PALM2AKAP2: variants seen among roughly 807,000 people sequenced by gnomAD.
The protein encoded by PALM2AKAP2 is PALM2-AKAP2 fusion protein.
Under a neutral mutation model 71.5 loss-of-function variants are expected in PALM2AKAP2, and 37 were observed. That is an observed-to-expected ratio of 0.52 (90% CI 0.40 to 0.68). The LOEUF is 0.68. PALM2AKAP2 is among the 30% of genes least tolerant of loss of function. PALM2AKAP2 has a pLI of 0.00. For synonymous variants in PALM2AKAP2, 468 were observed against 478.8 expected (o/e 0.98, Z 0.29); for missense variants, 1,224 against 1,191.8 (o/e 1.03, Z -0.40).
intron 1 of PALM2AKAP2, among the ~76,000 whole-genome samples, chr9:109,683,340 A>G (rs10979998): frequency 0.11 from 17,349 of 152,202 alleles, 1,288 homozygotes; most frequent in Non-Finnish European, 0.16. Context: ...CCAATGTCAG[A>G]TATCCTTATA....
chr9:109,862,777 G>T, intron 1 of PALM2AKAP2: 2 of 451,032 alleles, frequency 4.4e-6, no homozygotes, highest in Non-Finnish European at 8.9e-6. Context: ...AAGCTTCATG[G>T]ATATTTAAAC....
intron 1 of PALM2AKAP2, among the ~76,000 whole-genome samples, chr9:110,127,279 T>G (rs1405518565): frequency 6.6e-6 from 1 of 152,138 alleles, no homozygotes; most frequent in Non-Finnish European, 1.5e-5. Context: ...TCTGCCCCTT[T>G]TAAGGCCCAC....
At chr9:109,873,505 A>G (rs1829653436) in intron 2 of PALM2AKAP2, among the ~76,000 whole-genome samples, 2 of 152,028 alleles carry the variant, frequency 1.3e-5, no homozygotes, top group Admixed American at 1.3e-4. Flanking sequence ...AATTGAATTT[A>G]GCCATATTCC....
chr9:110,072,193 A>C (rs1834221262), intron 1 of PALM2AKAP2, among the ~76,000 whole-genome samples: 1 of 152,130 alleles, frequency 6.6e-6, no homozygotes. Flanking sequence ...AATGAGGGGG[A>C]GGAGAGGGAG....
chr9:109,878,075 T>C (rs1829758391), intron 2 of PALM2AKAP2, among the ~76,000 whole-genome samples: 1 of 152,222 alleles, frequency 6.6e-6, no homozygotes, highest in Non-Finnish European at 1.5e-5. Flanking sequence ...TGGTTCTGAA[T>C]GTTTTGTAGA....
intron 5 of PALM2AKAP2, among the ~76,000 whole-genome samples, chr9:109,927,951 C>T (rs1452372103): frequency 1.3e-5 from 2 of 152,180 alleles, no homozygotes; most frequent in Non-Finnish European, 2.9e-5. Context: ...CTGTCCTGGG[C>T]CTATCTCAGT....
chr9:110,091,271 G>A (rs1450161190), intron 1 of PALM2AKAP2, among the ~76,000 whole-genome samples: 2 of 151,808 alleles, frequency 1.3e-5, no homozygotes, highest in East Asian at 3.9e-4. Context: ...TATTGTCTAC[G>A]GTCAATAAAG....
intron 1 of PALM2AKAP2, among the ~76,000 whole-genome samples, chr9:110,117,972 T>TC (rs1564314548): frequency 7.3e-6 from 1 of 137,054 alleles, no homozygotes; most frequent in Admixed American, 7.3e-5. Flanking sequence ...TATATGTCGT[T>TC]TTGTGTGTGT....
chr9:109,752,854 G>A (rs559883178), intron 1 of PALM2AKAP2, among the ~76,000 whole-genome samples: 8 of 152,262 alleles, frequency 5.3e-5, no homozygotes, highest in African/African-American at 1.7e-4. Context: ...TGTTCATCCA[G>A]TTGAGAAAAG....
At chr9:109,664,663 T>C (rs1032175677) in intron 1 of PALM2AKAP2, among the ~76,000 whole-genome samples, 1 of 152,206 alleles carries the variant, frequency 6.6e-6, no homozygotes, top group Non-Finnish European at 1.5e-5. Flanking sequence ...GACAATTATG[T>C]GTGTTGGGGT....
At chr9:110,105,659 G>A (rs1333876065) in intron 1 of PALM2AKAP2, among the ~76,000 whole-genome samples, 2 of 152,208 alleles carry the variant, frequency 1.3e-5, no homozygotes, top group African/African-American at 4.8e-5. Flanking sequence ...TTAACCCACA[G>A]AGCTAATGAG....
chr9:109,993,184 T>TTA (rs10642434), intron 6 of PALM2AKAP2, among the ~76,000 whole-genome samples: 1 of 138,810 alleles, frequency 7.2e-6, no homozygotes, highest in Non-Finnish European at 1.5e-5. Flanking sequence ...CAAAGTGCCT[T>TTA]AAAAAAAAAA....
intron 6 of PALM2AKAP2, among the ~76,000 whole-genome samples, chr9:109,991,214 A>T (rs1832474633): frequency 6.8e-6 from 1 of 146,078 alleles, no homozygotes; most frequent in South Asian, 2.2e-4. Flanking sequence ...TTTTTATAAT[A>T]GCCTTAACCA....
At chr9:110,009,636 C>A (rs1469009977) in intron 6 of PALM2AKAP2, among the ~76,000 whole-genome samples, 2 of 151,350 alleles carry the variant, frequency 1.3e-5, no homozygotes, top group Non-Finnish European at 2.9e-5. Flanking sequence ...ATGGTGTGAA[C>A]CCGGGAGGTG....
chr9:109,820,285 C>T (rs575575982), intron 1 of PALM2AKAP2, among the ~76,000 whole-genome samples: 13 of 152,296 alleles, frequency 8.5e-5, no homozygotes, highest in African/African-American at 2.9e-4. Context: ...TAACCTGAAT[C>T]CTCAGTCTCG....
chr9:110,061,113 A>G (rs1310233698), intron 1 of PALM2AKAP2, among the ~76,000 whole-genome samples: 2 of 152,180 alleles, frequency 1.3e-5, no homozygotes, highest in Non-Finnish European at 2.9e-5. Flanking sequence ...GGGCATGATA[A>G]TGTGTGTCAC....
intron 1 of PALM2AKAP2, among the ~76,000 whole-genome samples, chr9:109,675,146 C>T (rs1309416469): frequency 6.6e-6 from 1 of 152,028 alleles, no homozygotes; most frequent in East Asian, 1.9e-4. Flanking sequence ...TTTTGACTTA[C>T]AATATTTTCA....
At chr9:109,671,425 T>C (rs117914628) in intron 1 of PALM2AKAP2, among the ~76,000 whole-genome samples, 14 of 152,286 alleles carry the variant, frequency 9.2e-5, no homozygotes, top group African/African-American at 3.4e-4. Context: ...GTGTACAGTC[T>C]TATTCTTGGG....
At chr9:109,798,660 C>T (rs1264831655) in intron 1 of PALM2AKAP2, among the ~76,000 whole-genome samples, 2 of 152,182 alleles carry the variant, frequency 1.3e-5, no homozygotes, top group South Asian at 2.1e-4. Flanking sequence ...AGAGCTGCCC[C>T]CAGTCCTGTC....
Sources: gnomAD v4.1 joint callset for allele counts (sites outside exome capture counted in the v4.1 genomes callset) on GRCh38, gnomAD v4.1.1 for gene constraint, MANE v1.5 for transcripts, NCBI Gene and HGNC (gene_info 2026-07-23, HGNC 2026-07-21) for gene names.